The following TEKT3 variants were observed in gnomAD, a reference collection of about 807,000 sequenced individuals.
TEKT3 encodes the protein tektin-3.
A neutral mutation model predicts 49.8 loss-of-function variants in TEKT3; 49 were observed. That is an observed-to-expected ratio of 0.98 (90% CI 0.78 to 1.25). The LOEUF is 1.25. TEKT3 is among the 50% of genes most tolerant of loss of function. The probability of loss-of-function intolerance (pLI) is 0.00; values close to 1 mark genes in which losing one functional copy is unlikely to be tolerated. For synonymous variants in TEKT3, 225 were observed against 237.2 expected, an observed-to-expected ratio of 0.95 and a Z score of 0.47; for missense variants, 595 against 629.5, an observed-to-expected ratio of 0.95 and a Z score of 0.59.
At chr17:15,336,897 A>G (rs771012625) in intron 2 of TEKT3, among the ~76,000 whole-genome samples, 20 of 152,278 alleles carry the variant, frequency 1.3e-4, no homozygotes, top group Non-Finnish European at 2.2e-4. Context: ...CTCAGATGCT[A>G]TTTGCCTTTC....
intron 5 of TEKT3, among the ~76,000 whole-genome samples, chr17:15,316,470 G>A (rs746824864): frequency 1.2e-4 from 19 of 152,148 alleles, no homozygotes; most frequent in Non-Finnish European, 2.1e-4. Flanking sequence ...CTCAAAGGAG[G>A]GGAGGGAGGA....
chr17:15,316,938 C>T (rs1249047443), intron 5 of TEKT3, among the ~76,000 whole-genome samples: 1 of 152,146 alleles, frequency 6.6e-6, no homozygotes, highest in Non-Finnish European at 1.5e-5. Flanking sequence ...CCACGTCTTA[C>T]AGCCCAAGAT....
chr17:15,314,420 ACCC>A, intron 5 of TEKT3, 190 bp from the exon 6 acceptor site: 1 of 734,236 alleles, frequency 1.4e-6, no homozygotes, highest in Non-Finnish European at 2.3e-6. Flanking sequence ...CGTCACTGGG[ACCC>A]TAACTCCCAC....
chr17:15,332,775 C>T (rs929220991), intron 2 of TEKT3, among the ~76,000 whole-genome samples: 2 of 152,182 alleles, frequency 1.3e-5, no homozygotes, highest in Non-Finnish European at 2.9e-5. Flanking sequence ...TTTTAAATTG[C>T]TACCTCAGAG....
At chr17:15,337,877 A>G (rs915598351) in intron 2 of TEKT3, among the ~76,000 whole-genome samples, 1 of 152,146 alleles carries the variant, frequency 6.6e-6, no homozygotes, top group Non-Finnish European at 1.5e-5. Flanking sequence ...AAAGTATGAG[A>G]AAAGATAGAC....
At chr17:15,334,957 A>T (rs533286481) in intron 2 of TEKT3, among the ~76,000 whole-genome samples, 1 of 152,348 alleles carries the variant, frequency 6.6e-6, no homozygotes, top group South Asian at 2.1e-4. Context: ...TAAAAACCAG[A>T]CTTAGCCTCT....
chr17:15,317,787 T>C (rs551379935), intron 5 of TEKT3, among the ~76,000 whole-genome samples: 1 of 152,138 alleles, frequency 6.6e-6, no homozygotes, highest in African/African-American at 2.4e-5. Context: ...TCTTTATTAT[T>C]ATTCTTCCCC....
At chr17:15,326,271 G>A (rs931960970) in intron 4 of TEKT3, among the ~76,000 whole-genome samples, 3 of 152,134 alleles carry the variant, frequency 2.0e-5, no homozygotes, top group South Asian at 4.1e-4. Context: ...AAAAAGAGGC[G>A]AAGAGGTGTG....
chr17:15,333,065 C>G (rs1254141420), intron 2 of TEKT3, among the ~76,000 whole-genome samples: 1 of 151,544 alleles, frequency 6.6e-6, no homozygotes, highest in Non-Finnish European at 1.5e-5. Flanking sequence ...GGCCACTCCC[C>G]CTGTTAGAAC....
At chr17:15,340,659 G>A (rs977811490) in intron 1 of TEKT3, 1 of 152,240 alleles carries the variant, frequency 6.6e-6, no homozygotes, top group African/African-American at 2.4e-5. Flanking sequence ...TAGGTAAGGA[G>A]AGAGGGGAAT....
In TEKT3 at chr17:15,312,248, G is replaced by A. The variant is rs376859102; in HGVS notation, c.1101+11C>T. ...AGGTCAGCTAAGGGGTACCACTGGCGGTTGATTTACCTTTGCTAAGTGCGT... is the reference window on the plus strand; with the variant it reads ...AGGTCAGCTAAGGGGTACCACTGGCAGTTGATTTACCTTTGCTAAGTGCGT... On this transcript the variant is annotated intron_variant, in intron 7 of 8. Transcript: ENST00000395930. 3.0e-5 allele frequency: 49 copies of A among 1,613,250 alleles called. No individual in the cohort carries two copies. The highest frequency in any genetic ancestry group is 8.0e-5 in the African/African-American group (6 of 74,898).
At chr17:15,312,823 C>A (rs565965340) in intron 6 of TEKT3, among the ~76,000 whole-genome samples, 1 of 152,244 alleles carries the variant, frequency 6.6e-6, no homozygotes, top group African/African-American at 2.4e-5. Flanking sequence ...CAAGGGTAAT[C>A]AAAGAAGCAT....
chr17:15,326,905 C>T (rs1479477978), intron 4 of TEKT3, among the ~76,000 whole-genome samples: 6 of 152,152 alleles, frequency 3.9e-5, no homozygotes, highest in South Asian at 2.1e-4. Context: ...GAGAGATTAG[C>T]GGGAGATCAG....
At chr17:15,305,139 G>A (rs1910491542) in intron 8 of TEKT3, among the ~76,000 whole-genome samples, 1 of 152,140 alleles carries the variant, frequency 6.6e-6, no homozygotes, top group South Asian at 2.1e-4. Context: ...TGAATCCATG[G>A]GATCTACTAA....
At chr17:15,308,616 G>T (rs1910635050) in intron 8 of TEKT3, 48 bp downstream of exon 8, 5 of 1,582,914 alleles carry the variant, frequency 3.2e-6, no homozygotes, top group Non-Finnish European at 3.4e-6. Context: ...ACCACAGTTG[G>T]TCTGGTGGCC....
At chr17:15,314,337 C>T (rs1910909102) in intron 5 of TEKT3, 107 bp from the exon 6 acceptor site, 18 of 1,436,136 alleles carry the variant, frequency 1.3e-5, no homozygotes, top group Non-Finnish European at 1.7e-5. Flanking sequence ...TTGCTCTCAC[C>T]ATCTCTCCCT....
chr17:15,312,607 T>G, intron 6 of TEKT3, 126 bp from the exon 7 acceptor site: 2 of 732,644 alleles, frequency 2.7e-6, no homozygotes, highest in Non-Finnish European at 4.4e-6. Context: ...ATTATATAAA[T>G]GTGAATATCA....
At chr17:15,314,322 C>T in intron 5 of TEKT3, 92 bp from the exon 6 acceptor site, 1 of 1,516,286 alleles carries the variant, frequency 6.6e-7, no homozygotes, top group East Asian at 2.4e-5. Context: ...GGACCTCTCT[C>T]ACTGTTGCTC....
chr17:15,342,959 T>C (rs570586983), upstream of TEKT3, among the ~76,000 whole-genome samples: 1 of 152,368 alleles, frequency 6.6e-6, no homozygotes, highest in Non-Finnish European at 1.5e-5. Flanking sequence ...TTTTTTCTCA[T>C]GCATAGTGTT....
Sources: gnomAD v4.1 joint callset for allele counts (sites outside exome capture counted in the v4.1 genomes callset) on GRCh38, gnomAD v4.1.1 for gene constraint, MANE v1.5 for transcripts, NCBI Gene and HGNC (gene_info 2026-07-23, HGNC 2026-07-21) for gene names.